Variants in CETP observed in about 807,000 individuals in gnomAD.
CETP encodes cholesteryl ester transfer protein.
A neutral mutation model predicts 66.5 loss-of-function variants in CETP; 56 were observed. That is an observed-to-expected ratio of 0.84 (90% confidence interval 0.68 to 1.05). The LOEUF is 1.05. Ranked by LOEUF, CETP falls within the 50% of genes least tolerant of loss-of-function variation. CETP has a pLI of 0.00. For missense variants in CETP, 612 were observed against 609.6 expected, an observed-to-expected ratio of 1.00 and a Z score of -0.04; for synonymous variants, 251 against 245.7, an observed-to-expected ratio of 1.02 and a Z score of -0.20.
chr16:56,983,513 C>A (rs781235224), intron 15 of CETP, 79 bp from the exon 16 acceptor site: 57 of 1,588,830 alleles, frequency 3.6e-5, no homozygotes, highest in Admixed American at 8.3e-5. Flanking sequence ...GACAGAGGGG[C>A]CTCTACCAGC....
In CETP at chr16:56,983,380, A is replaced by G. The variant is rs2303790; in HGVS notation, c.1376A>G (p.Asp459Gly). ...LMNSKGVSLF[D>G]IINPEIITRD... Reference sequence around the variant, plus strand: ...AACAGCAAAGGCGTGAGCCTCTTCGACATCATCAACCCTGAGATTATCACT... The same window carrying G: ...AACAGCAAAGGCGTGAGCCTCTTCGGCATCATCAACCCTGAGATTATCACT... Residue 459 changes from aspartate to glycine, a missense_variant, in exon 15 of 16, where the codon GAC becomes GGC. Asp to Gly is a moderately conservative substitution (Grantham distance 94). Transcript: ENST00000200676. 1.1e-3 allele frequency: 1,697 copies of G among 1,614,202 alleles called. 27 individuals carry two copies. In the East Asian group the frequency reaches 0.033, roughly 32 times the overall value.
chr16:56,975,885 C>A (rs552386993), intron 10 of CETP, among the ~76,000 whole-genome samples: 34 of 152,198 alleles, frequency 2.2e-4, no homozygotes, highest in Non-Finnish European at 4.7e-4. Context: ...GAACTTCCCC[C>A]CCACGTCGCT....
Position 56,969,683 on chromosome 16 carries a change from TATGTGTCAAGCGTCCTC to T in CETP, c.439+3_439+19del, listed in dbSNP as rs2056094873. On this transcript the variant is annotated splice_donor_5th_base_variant and intron_variant, in intron 4 of 15. Transcript: ENST00000200676. ...ACCTCCAGATCAACACACAGCTGAGTATGTGTCAAGCGTCCTCTGGGGAAGTGGGAGCTGGACTCCAG... is the reference window on the plus strand; with the variant it reads ...ACCTCCAGATCAACACACAGCTGAGTTGGGGAAGTGGGAGCTGGACTCCAG... 1.2e-6 allele frequency: 2 copies of T among 1,613,712 alleles called. No individual in the cohort carries two copies. Among genetic ancestry groups the T allele is most frequent in the Non-Finnish European group, 1.7e-6 (2 of 1,179,986 alleles).
At chr16:56,982,992 C>G (rs532496983) in intron 14 of CETP, among the ~76,000 whole-genome samples, 1 of 152,308 alleles carries the variant, frequency 6.6e-6, no homozygotes, top group African/African-American at 2.4e-5. Flanking sequence ...TTGCAAAGAA[C>G]ACTTTGAGAA....
intron 7 of CETP, 68 bp downstream of exon 7, chr16:56,971,449 A>G (rs1165870494): frequency 3.2e-5 from 44 of 1,390,376 alleles, no homozygotes; most frequent in East Asian, 1.6e-4. Flanking sequence ...CTGCTGCACT[A>G]TGTGGCCTTG....
At position 56,978,148 on chromosome 16, in the gene CETP, A is replaced by G. The variant is rs770547560; in HGVS notation, c.1039A>G (p.Lys347Glu). The G allele has an allele frequency of 7.5e-5, 121 of 1,614,124 alleles. No individual in the cohort carries two copies. The highest frequency in any genetic ancestry group is 9.4e-5 in the Non-Finnish European group (111 of 1,180,046). Reference protein sequence around the residue: ...QVTVHCLKMPKISCQNKGVVV... With the variant: ...QVTVHCLKMPEISCQNKGVVV... ...CACCGTCCACTGCCTCAAGATGCCC[A>G]AGATCTCCTGCCAAAACAAGGGAGT... Residue 347 changes from lysine to glutamate, a missense_variant, in exon 11 of 16, where the codon AAG (lysine) becomes GAG (glutamate). By Grantham distance (56) the Lys-to-Glu change is moderately conservative (BLOSUM62 1). Coordinates refer to ENST00000200676, the MANE Select transcript of CETP (RefSeq NM_000078.3).
intron 7 of CETP, 61 bp downstream of exon 7, chr16:56,971,442 C>G: frequency 3.5e-6 from 5 of 1,438,796 alleles, no homozygotes; most frequent in Admixed American, 1.7e-5. Context: ...AAGCCACCTG[C>G]TGCACTATGT....
At chr16:56,971,193 C>A in intron 6 of CETP, 91 bp downstream of exon 6, 2 of 1,484,568 alleles carry the variant, frequency 1.3e-6, no homozygotes, top group Non-Finnish European at 1.9e-6. Flanking sequence ...GAAGGTGCCA[C>A]TCCCACCTTC....
intron 15 of CETP, 82 bp from the exon 16 acceptor site, chr16:56,983,510 G>A (rs1350127684): frequency 6.3e-7 from 1 of 1,593,114 alleles, no homozygotes; most frequent in Non-Finnish European, 8.6e-7. Context: ...ACAGACAGAG[G>A]GGCCTCTACC....
intron 5 of CETP, among the ~76,000 whole-genome samples, chr16:56,970,662 A>G (rs1486931062): frequency 6.6e-6 from 1 of 152,188 alleles, no homozygotes; most frequent in African/African-American, 2.4e-5. Flanking sequence ...CATGTTACCA[A>G]TGCCAAACCT....
rs1259617932 is a variant in CETP at position 56,969,697 on chromosome 16, C to A, written c.439+16C>A. 1.2e-6 allele frequency: 2 copies of A among 1,613,258 alleles called. No individual in the cohort carries two copies. The highest frequency in any genetic ancestry group is 1.7e-6 in the Non-Finnish European group (2 of 1,179,922). ...ACACAGCTGAGTATGTGTCAAGCGT[C>A]CTCTGGGGAAGTGGGAGCTGGACTC... On this transcript the variant is annotated intron_variant, in intron 4 of 15. Coordinates refer to ENST00000200676, the MANE Select transcript of CETP (RefSeq NM_000078.3).
At chr16:56,976,127 T>C (rs1286063496) in intron 10 of CETP, among the ~76,000 whole-genome samples, 1 of 152,160 alleles carries the variant, frequency 6.6e-6, no homozygotes, top group Non-Finnish European at 1.5e-5. Context: ...CTATTTCTAG[T>C]CTTTCCATTT....
intron 14 of CETP, among the ~76,000 whole-genome samples, chr16:56,982,590 T>A (rs1431253076): frequency 6.6e-6 from 1 of 152,256 alleles, no homozygotes; most frequent in Non-Finnish European, 1.5e-5. Flanking sequence ...TCAGTTTCCC[T>A]TTCTGTGAAA....
intron 1 of CETP, 106 bp from the exon 2 acceptor site, chr16:56,962,904 G>A (rs2056034762): frequency 8.5e-6 from 8 of 939,664 alleles, no homozygotes; most frequent in Non-Finnish European, 1.4e-5. Flanking sequence ...AGACCTGCTG[G>A]GAGCCTCATC....
intron 10 of CETP, among the ~76,000 whole-genome samples, chr16:56,975,821 C>T (rs1373388074): frequency 2.6e-5 from 4 of 152,162 alleles, no homozygotes; most frequent in Non-Finnish European, 4.4e-5. Context: ...CTACCTTCCA[C>T]TTCCCTCTCC....
rs1296340723 is a variant in CETP, at chr16:56,977,472, C to T, written c.982-619C>T. On this transcript the variant is annotated intron_variant, in intron 10 of 15. Transcript: ENST00000200676. ...CCCTCCCCCATGCCATCTGCTCCTCCTCCTGCCACCTCAGGGAAGGCCTCT... is the reference window on the plus strand; with the variant it reads ...CCCTCCCCCATGCCATCTGCTCCTCTTCCTGCCACCTCAGGGAAGGCCTCT... Among the ~76,000 whole-genome samples the T allele has an allele frequency of 2.0e-5, 3 of 152,292 alleles. No homozygotes were observed. The East Asian group carries it at 5.8e-4, about 29-fold the overall frequency.
At chr16:56,964,593 TA>T (rs1238862761) in intron 2 of CETP, among the ~76,000 whole-genome samples, 23 of 152,162 alleles carry the variant, frequency 1.5e-4, no homozygotes, top group African/African-American at 5.3e-4. Context: ...GTCTTTGTCT[TA>T]AAGCCAATCT....
chr16:56,981,758 A>G, intron 13 of CETP, 78 bp downstream of exon 13: 1 of 1,465,392 alleles, frequency 6.8e-7, no homozygotes, highest in Non-Finnish European at 9.6e-7. Context: ...GGAGGGCCCT[A>G]AAGGAAATCA....
At chr16:56,969,884 G>T (rs1234388515) in intron 4 of CETP, 30 bp from the exon 5 acceptor site, 3 of 1,609,868 alleles carry the variant, frequency 1.9e-6, no homozygotes, top group Admixed American at 3.3e-5. Flanking sequence ...AGCGGAGGCT[G>T]CCCTGAGGTC....
Sources: gnomAD v4.1 joint callset for allele counts (sites outside exome capture counted in the v4.1 genomes callset) on GRCh38, gnomAD v4.1.1 for gene constraint, MANE v1.5 for transcripts, NCBI Gene and HGNC (gene_info 2026-07-23, HGNC 2026-07-21) for gene names.